BCAS1: variants seen among roughly 807,000 people sequenced by gnomAD.
BCAS1 encodes the protein brain enriched myelin associated protein 1.
Under a neutral mutation model 65.4 loss-of-function variants are expected in BCAS1, and 46 were observed. The observed-to-expected ratio is 0.70, with a 90% CI of 0.55 to 0.90. The LOEUF (loss-of-function observed/expected upper bound fraction) is 0.90, where lower values mean the gene tolerates loss of function less well. Ranked by LOEUF, BCAS1 falls within the 40% of genes least tolerant of loss-of-function variation. The pLI is 0.00. For synonymous variants in BCAS1, 298 were observed against 293.5 expected, an observed-to-expected ratio of 1.02 and a Z score of -0.16; for missense variants, 793 against 771.2, an observed-to-expected ratio of 1.03 and a Z score of -0.33.
At chr20:53,978,395 A>G (rs1235034112) in intron 8 of BCAS1, among the ~76,000 whole-genome samples, 4 of 152,162 alleles carry the variant, frequency 2.6e-5, no homozygotes, top group African/African-American at 9.7e-5. Flanking sequence ...ATGCCTTATC[A>G]TTACAGCAAA....
At chr20:54,038,426 ATT>A in intron 3 of BCAS1, among the ~76,000 whole-genome samples, 1 of 151,404 alleles carries the variant, frequency 6.6e-6, no homozygotes, top group Admixed American at 6.6e-5. Context: ...TTACAGCTGG[ATT>A]CCAGTTCCCA....
At chr20:54,025,478 C>T (rs1280239283) in intron 4 of BCAS1, among the ~76,000 whole-genome samples, 2 of 152,138 alleles carry the variant, frequency 1.3e-5, no homozygotes, top group Non-Finnish European at 2.9e-5. Flanking sequence ...TTTAATTATG[C>T]TTTGCCCTGA....
chr20:53,977,315 C>T (rs1249445754), intron 8 of BCAS1, among the ~76,000 whole-genome samples: 4 of 152,120 alleles, frequency 2.6e-5, no homozygotes, highest in Non-Finnish European at 5.9e-5. Context: ...AACTGCACCC[C>T]TTTTTCTCTG....
intron 3 of BCAS1, among the ~76,000 whole-genome samples, chr20:54,032,399 G>A (rs114967428): frequency 0.01 from 1,544 of 151,444 alleles, 42 homozygotes; most frequent in African/African-American, 0.036. Context: ...CAGTGACATT[G>A]TAAAGCAACT....
intron 5 of BCAS1, among the ~76,000 whole-genome samples, chr20:53,995,657 A>G (rs1269606497): frequency 6.6e-6 from 1 of 152,194 alleles, no homozygotes; most frequent in African/African-American, 2.4e-5. Flanking sequence ...CCCATGTTAC[A>G]TGATTTGGGC....
chr20:54,035,392 C>A (rs2091882462), intron 3 of BCAS1, among the ~76,000 whole-genome samples: 3 of 120,454 alleles, frequency 2.5e-5, no homozygotes, highest in South Asian at 2.9e-4. Context: ...CAGAGTGAGA[C>A]TCCGTCTCAA....
intron 4 of BCAS1, among the ~76,000 whole-genome samples, chr20:53,996,674 G>A (rs1393840285): frequency 6.6e-6 from 1 of 152,010 alleles, no homozygotes; most frequent in Non-Finnish European, 1.5e-5. Context: ...GGAAGCTACT[G>A]CCTCTCCACC....
intron 3 of BCAS1, among the ~76,000 whole-genome samples, chr20:54,056,804 T>A (rs1013036338): frequency 3.3e-5 from 5 of 152,194 alleles, no homozygotes. Context: ...AAGCCCAGAA[T>A]CTTACATGTG....
chr20:53,990,158 C>G (rs939715482), intron 7 of BCAS1, among the ~76,000 whole-genome samples: 2 of 152,188 alleles, frequency 1.3e-5, no homozygotes, highest in African/African-American at 4.8e-5. Context: ...GCTTATAAAT[C>G]ATGCATGCTG....
At chr20:53,994,513 G>T (rs2276497) in intron 6 of BCAS1, among the ~76,000 whole-genome samples, 21,366 of 152,122 alleles carry the variant, frequency 0.14, 1,730 homozygotes, top group South Asian at 0.21. Flanking sequence ...TTGCAGTAAA[G>T]ATTTATTTAG....
chr20:54,064,004 T>C (rs1373182965), intron 1 of BCAS1, among the ~76,000 whole-genome samples: 1 of 152,144 alleles, frequency 6.6e-6, no homozygotes, highest in Non-Finnish European at 1.5e-5. Flanking sequence ...GGAGGGGTGT[T>C]GTTTTTGAAA....
intron 11 of BCAS1, among the ~76,000 whole-genome samples, chr20:53,955,377 C>A (rs2089668810): frequency 6.6e-6 from 1 of 152,206 alleles, no homozygotes; most frequent in Non-Finnish European, 1.5e-5. Context: ...ATATGGATGT[C>A]CAAGTACAAT....
intron 7 of BCAS1, among the ~76,000 whole-genome samples, chr20:53,986,729 C>A (rs546411355): frequency 9.3e-4 from 142 of 152,196 alleles, no homozygotes; most frequent in African/African-American, 3.3e-3. Flanking sequence ...GAAACCCTAT[C>A]TCTACAAATA....
At chr20:54,019,773 G>T (rs976989607) in intron 4 of BCAS1, among the ~76,000 whole-genome samples, 6 of 152,304 alleles carry the variant, frequency 3.9e-5, no homozygotes, top group African/African-American at 1.4e-4. Flanking sequence ...GCTCTTGGAC[G>T]TTAGACTCCA....
chr20:53,950,813 A>G (rs1007770499), intron 12 of BCAS1, among the ~76,000 whole-genome samples: 1 of 152,182 alleles, frequency 6.6e-6, no homozygotes, highest in African/African-American at 2.4e-5. Flanking sequence ...CAACTAGTCA[A>G]CCCAACCAGT....
Position 53,995,027 on chromosome 20 carries a change from C to A in BCAS1, c.912G>T (p.Lys304Asn). The A allele has an allele frequency of 1.2e-6, 2 of 1,613,250 alleles. No homozygotes were observed. Among genetic ancestry groups the A allele is most frequent in the Non-Finnish European group, 1.7e-6 (2 of 1,179,606 alleles). ...AACTACCTACCGTGTCTTCTGGGTC[C>A]TTTTTTGTTTCAGCTTTGTTAGGTG... ...LVSPNKAETK[K>N]DPEDTASKAE... Residue 304 changes from lysine (K) to asparagine (N), a missense_variant, in exon 6 of 13, where the codon AAG becomes AAT. Lys to Asn is a moderately conservative substitution (Grantham distance 94, BLOSUM62 0). Transcript: ENST00000688948.
At chr20:53,992,481 G>A (rs1479213222) in intron 7 of BCAS1, 31 bp downstream of exon 7, 1 of 1,363,018 alleles carries the variant, frequency 7.3e-7, no homozygotes, top group Non-Finnish European at 9.8e-7. Flanking sequence ...CAGAGTTCTT[G>A]TTTTTCCTCC....
At chr20:54,050,632 C>T (rs1486682241) in intron 3 of BCAS1, among the ~76,000 whole-genome samples, 1 of 152,140 alleles carries the variant, frequency 6.6e-6, no homozygotes, top group African/African-American at 2.4e-5. Flanking sequence ...AATGCATTAC[C>T]TCGTCTAGTC....
At chr20:53,997,038 G>C (rs2090934694) in intron 4 of BCAS1, among the ~76,000 whole-genome samples, 2 of 152,180 alleles carry the variant, frequency 1.3e-5, no homozygotes, top group African/African-American at 4.8e-5. Flanking sequence ...AAGGTCATAA[G>C]TGTCATCTCT....
Sources: gnomAD v4.1 joint callset for allele counts (sites outside exome capture counted in the v4.1 genomes callset) on GRCh38, gnomAD v4.1.1 for gene constraint, MANE v1.5 for transcripts, NCBI Gene and HGNC (gene_info 2026-07-23, HGNC 2026-07-21) for gene names.